The following RPL3L variants were observed in gnomAD, a reference collection of about 807,000 sequenced individuals.
The protein encoded by RPL3L is ribosomal protein L3 like, also known as ribosomal protein uL3-like.
RPL3L carries 44 observed loss-of-function variants against 44.5 expected under a neutral mutation model. The ratio of observed to expected loss-of-function variants is 0.99; its 90% CI spans 0.78 to 1.27. The LOEUF is 1.27. Among genes scored for constraint, RPL3L ranks in the 50% most tolerant of loss-of-function variants. The pLI is 0.00. For missense variants in RPL3L, 631 were observed against 569.1 expected (o/e 1.11, Z -1.11); for synonymous variants, 292 against 230.7 (o/e 1.27, Z -2.41).
intron 9 of RPL3L, 22 bp from the exon 10 acceptor site, chr16:1,944,915 G>C (rs1426146154): frequency 7.6e-6 from 12 of 1,588,690 alleles, no homozygotes; most frequent in Non-Finnish European, 1.0e-5. Context: ...GGTGGTGCAG[G>C]AGGAGCCTTA....
chr16:1,944,953 C>A (rs1190628015), intron 9 of RPL3L, 60 bp from the exon 10 acceptor site: 2 of 1,608,458 alleles, frequency 1.2e-6, no homozygotes, highest in African/African-American at 2.7e-5. Flanking sequence ...CACGCCCTCC[C>A]CCAGCCAGGC....
At chr16:1,946,340 G>C (rs117935449) in intron 7 of RPL3L, among the ~76,000 whole-genome samples, 7,135 of 152,330 alleles carry the variant, frequency 0.047, 237 homozygotes, top group Non-Finnish European at 0.067. Context: ...CGGAGGATGT[G>C]GGACGCAGCA....
intron 4 of RPL3L, among the ~76,000 whole-genome samples, chr16:1,949,882 T>G (rs1316156668): frequency 2.5e-4 from 3 of 11,998 alleles, no homozygotes; most frequent in Admixed American, 1.5e-3. Context: ...GGCAGGTATG[T>G]AGGGGGCAGG....
At chr16:1,950,781 G>A in intron 4 of RPL3L, 63 bp downstream of exon 4, 4 of 1,609,936 alleles carry the variant, frequency 2.5e-6, no homozygotes, top group Non-Finnish European at 8.5e-7. Flanking sequence ...CACAGCTCCT[G>A]GAAGCTGGGG....
intron 7 of RPL3L, 83 bp downstream of exon 7, chr16:1,946,542 C>T: frequency 7.0e-7 from 1 of 1,423,602 alleles, no homozygotes. Context: ...TACATGTATA[C>T]CAGGCCCCCC....
intron 3 of RPL3L, among the ~76,000 whole-genome samples, chr16:1,952,221 G>A (rs1038161775): frequency 6.6e-6 from 1 of 151,044 alleles, no homozygotes. Flanking sequence ...CACCCGCCTT[G>A]GCCTCCCAAA....
chr16:1,946,844 G>A, intron 6 of RPL3L, 94 bp downstream of exon 6: 2 of 1,558,454 alleles, frequency 1.3e-6, no homozygotes, highest in Non-Finnish European at 8.7e-7. Context: ...TGTGTCCCCG[G>A]CAGTGTCTGG....
chr16:1,948,148 C>A lies in RPL3L; in HGVS notation c.502-768G>T, dbSNP rs529492351. ...GAGACAGGGTTTCACTGTGTTGGCC[C>A]GGATGGTCTGCATCTCCTGACCTCA... On this transcript the variant is annotated intron_variant, in intron 4 of 9. Transcript: ENST00000268661. 3.7e-3 allele frequency among the ~76,000 whole-genome samples: 558 copies of A among 151,620 alleles called. 2 individuals are homozygous for A. Among genetic ancestry groups the A allele is most frequent in the South Asian group, 0.018 (87 of 4,780 alleles).
At chr16:1,953,553 G>A (rs926901126) in intron 2 of RPL3L, among the ~76,000 whole-genome samples, 7 of 152,130 alleles carry the variant, frequency 4.6e-5, no homozygotes, top group African/African-American at 9.7e-5. Flanking sequence ...GTGAATCTAC[G>A]ATTAAAACAA....
intron 2 of RPL3L, among the ~76,000 whole-genome samples, chr16:1,953,504 G>A (rs2083185697): frequency 6.6e-6 from 1 of 152,234 alleles, no homozygotes; most frequent in African/African-American, 2.4e-5. Context: ...ACAGGCGTGA[G>A]CCACCATGCC....
Position 1,952,949 on chromosome 16 carries a change from C to G in RPL3L, c.290G>C (p.Arg97Pro), listed in dbSNP as rs199937754. ...VGVVGYVATPRGLRSFKTIFA... is the reference protein window; with the variant it reads ...VGVVGYVATPPGLRSFKTIFA... ...GATGGTCTTGAAGCTCCGGAGACCT[C>G]GAGGGGTGGCCACGTAGCCCACCAC... The change falls in exon 3 of 10, where the codon CGA becomes CCA. Residue 97 changes from arginine to proline, a missense_variant. Transcript: ENST00000268661. The G allele has an allele frequency of 1.2e-6, 2 of 1,613,882 alleles. No homozygotes were observed. The highest frequency in any genetic ancestry group is 1.7e-6 in the Non-Finnish European group (2 of 1,179,980).
intron 4 of RPL3L, among the ~76,000 whole-genome samples, chr16:1,949,385 C>T (rs573393860): frequency 6.1e-5 from 9 of 146,610 alleles, no homozygotes; most frequent in African/African-American, 2.0e-4. Flanking sequence ...TCCCAAGTAG[C>T]TGGGATTGCA....
In RPL3L at chr16:1,950,999, G is replaced by T; in HGVS notation, c.366-20C>A. The T allele has an allele frequency of 6.2e-7, 1 of 1,611,192 alleles. No homozygotes were observed. Among genetic ancestry groups the T allele is most frequent in the South Asian group, 1.1e-5 (1 of 91,048 alleles). On this transcript the variant is annotated intron_variant, in intron 3 of 9. Transcript: ENST00000268661. ...TTGTGCCTGAGCCATGCACAGGAGGGTGCTCAGAAGCCCCCAACCGGGGCA... is the reference window on the plus strand; with the variant it reads ...TTGTGCCTGAGCCATGCACAGGAGGTTGCTCAGAAGCCCCCAACCGGGGCA...
In RPL3L at chr16:1,944,278, C is replaced by T. The variant is rs2150859363; in HGVS notation, c.*559G>A. 6.5e-6 allele frequency: 1 copy of T among 153,678 alleles called. No individual in the cohort carries two copies. The highest frequency in any genetic ancestry group is 6.4e-5 in the Admixed American group (1 of 15,512). 9.5% of individuals were successfully genotyped at this position (153,678 alleles called of 1,614,324 possible). A position where few individuals can be genotyped will look rare whatever the true frequency, so the allele number is the denominator to read the frequency against. ...AAGATTCTGACCCTCCCTAAGCTGC[C>T]CCTAAGATCAGTGCTTGAGATATTT... On this transcript the variant is annotated 3_prime_UTR_variant, in exon 10 of 10. Coordinates refer to ENST00000268661, the MANE Select transcript of RPL3L (RefSeq NM_005061.3).
intron 1 of RPL3L, among the ~76,000 whole-genome samples, chr16:1,954,358 G>A (rs1160396081): frequency 6.6e-6 from 1 of 152,140 alleles, no homozygotes; most frequent in African/African-American, 2.4e-5. Context: ...CAGGCTTCCT[G>A]CCTCTGTGGG....
rs1327212707 is a variant in RPL3L at position 1,945,488 on chromosome 16, G to A, written c.1167+11C>T. On this transcript the variant is annotated intron_variant, in intron 9 of 9. Coordinates refer to ENST00000268661, the MANE Select transcript of RPL3L (RefSeq NM_005061.3). ...CCCAGAGAAGAACAAGGATGGGGGC[G>A]GTGAGCTCACCATGAAGGCCCTCTT... 1.4e-5 allele frequency: 22 copies of A among 1,605,318 alleles called. No homozygotes were observed. Among genetic ancestry groups the A allele is most frequent in the East Asian group, 4.5e-5 (2 of 44,592 alleles).
Position 1,954,140 on chromosome 16 carries a change from C to A in RPL3L, c.12G>T (p.Arg4=). The A allele has an allele frequency of 6.3e-7, 1 of 1,582,226 alleles. No individual in the cohort carries two copies. MSH[R]KFSAPRHGHL... is the part of the protein sequence containing the mutation. ...GTCCGTGCCGAGGGGCGGAAAACTT[C>A]CGGTGGGACTGGGGGGCAGGAAGGA... is the stretch of plus-strand genomic sequence containing the variant. Residue 4 remains arginine, a synonymous_variant, in exon 2 of 10, where the codon CGG becomes CGT. Transcript: ENST00000268661.
intron 7 of RPL3L, 117 bp from the exon 8 acceptor site, chr16:1,946,047 GCC>G: frequency 1.3e-6 from 1 of 791,794 alleles, no homozygotes; most frequent in Non-Finnish European, 2.0e-6. Context: ...CCCGTGCCCA[GCC>G]CCCAGATGTA....
chr16:1,949,009 C>CTTTTTTTTTTTTTTTTTT (rs34900670), intron 4 of RPL3L, among the ~76,000 whole-genome samples: 43 of 124,626 alleles, frequency 3.5e-4, no homozygotes, highest in Non-Finnish European at 5.1e-4. Context: ...CCGCGCCTGG[C>CTTTTTTTTTTTTTTTTTT]TTTTTTTTTT....
Sources: allele counts gnomAD v4.1 joint callset (sites outside exome capture counted in the v4.1 genomes callset), GRCh38; gene constraint gnomAD v4.1.1; transcripts MANE v1.5; gene names NCBI Gene and HGNC (gene_info 2026-07-23, HGNC 2026-07-21).